The following CCDC102B variants were observed in gnomAD, a reference collection of about 807,000 sequenced individuals.
The protein encoded by CCDC102B is coiled-coil domain containing 102B.
CCDC102B carries 75 observed loss-of-function variants against 57.4 expected under a neutral mutation model. The ratio of observed to expected loss-of-function variants is 1.31; its 90% CI spans 1.08 to 1.58. The LOEUF (loss-of-function observed/expected upper bound fraction) is 1.58. Among genes scored for constraint, CCDC102B ranks in the 40% most tolerant of loss-of-function variants. The pLI, the probability that CCDC102B is intolerant of heterozygous loss-of-function variation, is 0.00. For synonymous variants in CCDC102B, 206 were observed against 201.9 expected, an observed-to-expected ratio of 1.02 and a Z score of -0.17; for missense variants, 636 against 582.6, an observed-to-expected ratio of 1.09 and a Z score of -0.94.
At chr18:68,802,950 A>G (rs550694089) in intron 1 of CCDC102B, among the ~76,000 whole-genome samples, 312 of 152,304 alleles carry the variant, frequency 2.0e-3, no homozygotes, top group African/African-American at 7.1e-3. Flanking sequence ...GGCCAAATAA[A>G]TGTAAATCTT....
intron 4 of CCDC102B, among the ~76,000 whole-genome samples, chr18:68,857,855 C>A (rs754404328): frequency 7.2e-5 from 11 of 152,058 alleles, no homozygotes; most frequent in Non-Finnish European, 1.6e-4. Context: ...CATCTTTTGT[C>A]CCTGTGCACA....
chr18:68,972,132 G>A (rs188761788), intron 6 of CCDC102B, among the ~76,000 whole-genome samples: 383 of 152,256 alleles, frequency 2.5e-3, no homozygotes, highest in Non-Finnish European at 2.6e-3. Flanking sequence ...CTAGATTTGG[G>A]AAGTGCATCC....
intron 7 of CCDC102B, among the ~76,000 whole-genome samples, chr18:69,015,282 G>A (rs2145406033): frequency 6.6e-6 from 1 of 152,238 alleles, no homozygotes; most frequent in Non-Finnish European, 1.5e-5. Flanking sequence ...GATTACCACA[G>A]AAGACTGACC....
Position 69,014,978 on chromosome 18 carries a change from A to AGAGTGT in CCDC102B, c.1434+3875_1434+3876insAGTGTG, listed in dbSNP as rs139377520. On this transcript the variant is annotated intron_variant, in intron 7 of 7. Transcript: ENST00000360242. ...GTGAATGAGAGAGAGAGAGAGAGAG[A>AGAGTGT]GTGTGTGTGTGTGTGTGTGTGTGTG... Among the ~76,000 whole-genome samples, 116 of 139,428 alleles carry AGAGTGT rather than the reference A, an allele frequency of 8.3e-4. 1 individual carries two copies. Among genetic ancestry groups the AGAGTGT allele is most frequent in the African/African-American group, 2.6e-3 (98 of 37,814 alleles). The allele number at this position is 139,428 out of a possible 152,430, so 91.5% of individuals were successfully genotyped here.
chr18:68,846,382 T>A lies in CCDC102B; in HGVS notation c.897T>A (p.Tyr299Ter). 2 of 1,590,412 alleles carry A rather than the reference T, an allele frequency of 1.3e-6. No homozygotes were observed. The highest frequency in any genetic ancestry group is 2.3e-5 in the South Asian group (2 of 88,190). The change falls in exon 4 of 8, where the codon TAT becomes TAA. Residue 299 changes from tyrosine (Y) to a stop codon, truncating the protein, a stop_gained. Coordinates refer to ENST00000360242, the MANE Select transcript of CCDC102B (RefSeq NM_024781.3). LOFTEE classifies it high-confidence loss of function. The part of the protein sequence containing the change: ...ESALSLWKWK[Y>*]EELKESKPKN... ...CTTTGTCTCTGTGGAAGTGGAAGTA[T>A]GAAGAACTGAAAGAATCAAAGCCAA... is the stretch of plus-strand genomic sequence containing the variant.
At chr18:68,968,700 A>C (rs1214627812) in intron 6 of CCDC102B, among the ~76,000 whole-genome samples, 1 of 152,080 alleles carries the variant, frequency 6.6e-6, no homozygotes. Context: ...AACTCCCCAT[A>C]ATCCCTCCTC....
At chr18:68,785,712 T>C (rs1599457309) in intron 2 of CCDC102B, among the ~76,000 whole-genome samples, 2 of 148,810 alleles carry the variant, frequency 1.3e-5, no homozygotes, top group African/African-American at 4.9e-5. Context: ...GAGTTCATTG[T>C]AGATTCTGGA....
chr18:68,919,852 G>A (rs1263667246), intron 6 of CCDC102B, among the ~76,000 whole-genome samples: 1 of 152,078 alleles, frequency 6.6e-6, no homozygotes. Context: ...ATATATTCTT[G>A]CATTCTTTTT....
chr18:68,944,491 G>T (rs1238258725), intron 6 of CCDC102B, among the ~76,000 whole-genome samples: 2 of 151,926 alleles, frequency 1.3e-5, no homozygotes, highest in Admixed American at 1.3e-4. Context: ...TGGCAGATGG[G>T]TATCTTCTTG....
chr18:68,929,877 T>C (rs1269798371), intron 6 of CCDC102B, among the ~76,000 whole-genome samples: 1 of 151,864 alleles, frequency 6.6e-6, no homozygotes, highest in Non-Finnish European at 1.5e-5. Context: ...TTGTAATGTA[T>C]TTAAAATCAC....
downstream of CCDC102B, among the ~76,000 whole-genome samples, chr18:69,055,692 G>A (rs551523503): frequency 6.6e-6 from 1 of 152,166 alleles, no homozygotes; most frequent in East Asian, 1.9e-4. Context: ...AACTGGCAAG[G>A]CGTCTTCCTC....
chr18:68,756,601 A>G (rs1183978727), intron 2 of CCDC102B, among the ~76,000 whole-genome samples: 2 of 152,176 alleles, frequency 1.3e-5, no homozygotes, highest in Non-Finnish European at 2.9e-5. Context: ...GTCATGCCCA[A>G]TGTAATCTTT....
intron 7 of CCDC102B, among the ~76,000 whole-genome samples, chr18:69,038,360 G>T (rs2052349100): frequency 6.6e-6 from 1 of 151,586 alleles, no homozygotes; most frequent in Non-Finnish European, 1.5e-5. Context: ...TGTTTTGTGT[G>T]TTTCTGATAT....
chr18:68,918,033 A>T (rs55666736), intron 6 of CCDC102B, among the ~76,000 whole-genome samples: 42,230 of 151,754 alleles, frequency 0.28, 6,804 homozygotes, highest in East Asian at 0.61. Context: ...ACATGCAAAC[A>T]TGCACAGCCA....
intron 6 of CCDC102B, among the ~76,000 whole-genome samples, chr18:68,912,849 A>G (rs780353390): frequency 6.6e-6 from 1 of 152,238 alleles, no homozygotes; most frequent in East Asian, 1.9e-4. Context: ...CTTTACTCCA[A>G]AAGTCCATGA....
intron 1 of CCDC102B, among the ~76,000 whole-genome samples, chr18:68,826,532 G>T (rs377038360): frequency 6.6e-6 from 1 of 152,072 alleles, no homozygotes; most frequent in Non-Finnish European, 1.5e-5. Context: ...CATATTATAC[G>T]TTAGAAGCAG....
At chr18:68,900,671 A>C (rs2040417002) in intron 6 of CCDC102B, among the ~76,000 whole-genome samples, 1 of 152,166 alleles carries the variant, frequency 6.6e-6, no homozygotes, top group Non-Finnish European at 1.5e-5. Flanking sequence ...GTTTTATAAC[A>C]AATATTAGTA....
intron 2 of CCDC102B, among the ~76,000 whole-genome samples, chr18:68,724,395 T>C (rs2032499411): frequency 6.6e-6 from 1 of 152,232 alleles, no homozygotes; most frequent in Admixed American, 6.5e-5. Context: ...GGTTTTCTTT[T>C]CTATCCTATC....
intron 2 of CCDC102B, among the ~76,000 whole-genome samples, chr18:68,772,949 G>C (rs1339207088): frequency 6.6e-6 from 1 of 152,062 alleles, no homozygotes; most frequent in Admixed American, 6.6e-5. Context: ...GTCTGTAAAA[G>C]GGAGTTAAAG....
Sources: gnomAD v4.1 joint callset for allele counts (sites outside exome capture counted in the v4.1 genomes callset) on GRCh38, gnomAD v4.1.1 for gene constraint, MANE v1.5 for transcripts, NCBI Gene and HGNC (gene_info 2026-07-23, HGNC 2026-07-21) for gene names.